Variants in MLLT10 observed in about 807,000 individuals in gnomAD.
MLLT10 encodes MLLT10 histone lysine methyltransferase DOT1L cofactor.
MLLT10 carries 30 observed loss-of-function variants against 129.1 expected under a neutral mutation model. That is an observed-to-expected ratio of 0.23 (90% CI 0.17 to 0.32). The LOEUF (loss-of-function observed/expected upper bound fraction) is 0.32. Ranked by LOEUF, MLLT10 falls within the 10% of genes least tolerant of loss-of-function variation. The probability of loss-of-function intolerance (pLI) is 1.00; values close to 1 mark genes in which losing one functional copy is unlikely to be tolerated. For missense variants in MLLT10, 1,119 were observed against 1,268.3 expected (o/e 0.88, Z 1.79); for synonymous variants, 490 against 446.4 (o/e 1.10, Z -1.23).
At chr10:21,552,372 G>A (rs1055865518) in intron 3 of MLLT10, among the ~76,000 whole-genome samples, 35 of 131,662 alleles carry the variant, frequency 2.7e-4, no homozygotes, top group Middle Eastern at 3.7e-3. Context: ...CTAAATCTTT[G>A]TATATCTTCT....
At chr10:21,665,798 G>A (rs890124878) in intron 9 of MLLT10, among the ~76,000 whole-genome samples, 2 of 151,702 alleles carry the variant, frequency 1.3e-5, no homozygotes, top group East Asian at 1.9e-4. Context: ...GCTTGATCTC[G>A]GCTCACGGCA....
intron 8 of MLLT10, among the ~76,000 whole-genome samples, chr10:21,631,313 CAAAAA>C (rs991306894): frequency 4.2e-5 from 2 of 47,772 alleles, no homozygotes; most frequent in Admixed American, 2.5e-4. Flanking sequence ...GACTCCGTCT[CAAAAA>C]AAAAAAAAAA....
intron 3 of MLLT10, among the ~76,000 whole-genome samples, chr10:21,545,374 T>C (rs1418442871): frequency 1.3e-5 from 2 of 151,690 alleles, no homozygotes; most frequent in African/African-American, 4.8e-5. Flanking sequence ...AACTAGGTGT[T>C]CAGGAAAGAA....
intron 4 of MLLT10, 129 bp downstream of exon 4, chr10:21,586,477 G>T (rs1265246471): frequency 2.6e-6 from 2 of 776,408 alleles, no homozygotes; most frequent in Non-Finnish European, 4.2e-6. Flanking sequence ...AACAGTGGTG[G>T]CTATAATTTA....
At chr10:21,704,126 C>T (rs2131482924) in intron 13 of MLLT10, among the ~76,000 whole-genome samples, 1 of 135,900 alleles carries the variant, frequency 7.4e-6, no homozygotes, top group South Asian at 2.4e-4. Context: ...TCTCCTGCTT[C>T]AGCCTCCTAA....
chr10:21,664,149 GTTA>G, intron 9 of MLLT10, among the ~76,000 whole-genome samples: 1 of 152,152 alleles, frequency 6.6e-6, no homozygotes, highest in South Asian at 2.1e-4. Context: ...TTAAAAGTGT[GTTA>G]TTTAGTTTAG....
intron 16 of MLLT10, among the ~76,000 whole-genome samples, chr10:21,730,503 A>G (rs2057881641): frequency 6.6e-6 from 1 of 152,134 alleles, no homozygotes; most frequent in East Asian, 1.9e-4. Flanking sequence ...GGTTATTATG[A>G]TGGCAAATAT....
At chr10:21,579,564 TC>T in intron 3 of MLLT10, among the ~76,000 whole-genome samples, 1 of 151,300 alleles carries the variant, frequency 6.6e-6, no homozygotes, top group Admixed American at 6.6e-5. Flanking sequence ...CAGATTAGAT[TC>T]TTTTTTTTTT....
chr10:21,736,977 A>G (rs2058422580), intron 21 of MLLT10, among the ~76,000 whole-genome samples: 1 of 152,158 alleles, frequency 6.6e-6, no homozygotes, highest in Admixed American at 6.6e-5. Context: ...GAGCCAAGAG[A>G]AGGACAGTGT....
intron 13 of MLLT10, among the ~76,000 whole-genome samples, chr10:21,703,550 GTTC>G (rs1159000272): frequency 6.6e-6 from 1 of 151,964 alleles, no homozygotes; most frequent in African/African-American, 2.4e-5. Flanking sequence ...GACCTGGGAA[GTTC>G]TTTTTTTTTG....
At chr10:21,534,561 G>A in intron 1 of MLLT10, 41 bp downstream of exon 1, 1 of 1,410,370 alleles carries the variant, frequency 7.1e-7, no homozygotes, top group Non-Finnish European at 9.4e-7. Context: ...GGGGGGCGCC[G>A]GGGCGGGCTC....
intron 8 of MLLT10, among the ~76,000 whole-genome samples, chr10:21,630,572 C>T (rs2046904098): frequency 6.6e-6 from 1 of 152,226 alleles, no homozygotes; most frequent in African/African-American, 2.4e-5. Flanking sequence ...CACTATCATT[C>T]AAATTTCTCC....
chr10:21,726,681 C>CTTTTTTTTTTTTTTTT (rs35036202), intron 15 of MLLT10, among the ~76,000 whole-genome samples: 4 of 87,586 alleles, frequency 4.6e-5, no homozygotes, highest in Admixed American at 1.5e-4. Flanking sequence ...TAGCAATGTC[C>CTTTTTTTTTTTTTTTT]TTTTTTTTTT....
chr10:21,737,377 C>T (rs2058459570), intron 21 of MLLT10, among the ~76,000 whole-genome samples: 1 of 152,086 alleles, frequency 6.6e-6, no homozygotes, highest in Non-Finnish European at 1.5e-5. Flanking sequence ...GTGGTGGGCA[C>T]ACGGGGCAGT....
At chr10:21,738,161 A>G (rs540247947) in intron 21 of MLLT10, among the ~76,000 whole-genome samples, 2 of 152,094 alleles carry the variant, frequency 1.3e-5, no homozygotes, top group South Asian at 4.2e-4. Flanking sequence ...TCAGCTACTC[A>G]GGAGGCTGAG....
chr10:21,710,896 G>T (rs1354107777), intron 13 of MLLT10, among the ~76,000 whole-genome samples: 1 of 152,156 alleles, frequency 6.6e-6, no homozygotes, highest in African/African-American at 2.4e-5. Flanking sequence ...ACTGCTTTCA[G>T]TTGCTGTTCC....
chr10:21,733,149 A>G, intron 18 of MLLT10, 62 bp downstream of exon 18: 2 of 1,459,232 alleles, frequency 1.4e-6, no homozygotes, highest in Non-Finnish European at 1.9e-6. Context: ...TATTTGTATT[A>G]TAAGTGAGTA....
chr10:21,587,697 A>G (rs931959271), intron 4 of MLLT10, among the ~76,000 whole-genome samples: 15 of 152,170 alleles, frequency 9.9e-5, no homozygotes, highest in East Asian at 3.9e-4. Context: ...TAGTTTTGGC[A>G]TAGGCTAGAG....
intron 3 of MLLT10, among the ~76,000 whole-genome samples, chr10:21,554,214 A>G (rs569143381): frequency 5.2e-4 from 79 of 152,204 alleles, no homozygotes; most frequent in Non-Finnish European, 1.0e-3. Context: ...TTTGGATGTT[A>G]GACTTTCTAA....
Sources: allele counts gnomAD v4.1 joint callset (sites outside exome capture counted in the v4.1 genomes callset), GRCh38; gene constraint gnomAD v4.1.1; transcripts MANE v1.5; gene names NCBI Gene and HGNC (gene_info 2026-07-23, HGNC 2026-07-21).